The following CNTNAP2 variants were observed in gnomAD, a reference collection of about 807,000 sequenced individuals.
The protein encoded by CNTNAP2 is contactin-associated protein-like 2.
Under a neutral mutation model 155.2 loss-of-function variants are expected in CNTNAP2, and 98 were observed. The ratio of observed to expected loss-of-function variants is 0.63; its 90% CI spans 0.54 to 0.75. The LOEUF (loss-of-function observed/expected upper bound fraction) is 0.75. Among genes scored for constraint, CNTNAP2 ranks in the 30% least tolerant of loss-of-function variants. The pLI is 0.00. For synonymous variants in CNTNAP2, 651 were observed against 631.2 expected, an observed-to-expected ratio of 1.03 and a Z score of -0.47; for missense variants, 1,727 against 1,688.1, an observed-to-expected ratio of 1.02 and a Z score of -0.40.
intron 13 of CNTNAP2, among the ~76,000 whole-genome samples, chr7:147,817,597 G>GA (rs1798287389): frequency 6.6e-6 from 1 of 151,720 alleles, no homozygotes; most frequent in South Asian, 2.1e-4. Flanking sequence ...TAACTTATGG[G>GA]AAAAAATTTA....
chr7:148,114,708 A>G (rs1428218169), intron 15 of CNTNAP2, among the ~76,000 whole-genome samples: 1 of 152,178 alleles, frequency 6.6e-6, no homozygotes, highest in Non-Finnish European at 1.5e-5. Context: ...TACCACACTC[A>G]CTGAAAGCCT....
chr7:147,962,987 TATACC>T (rs1801138613), intron 14 of CNTNAP2, among the ~76,000 whole-genome samples: 1 of 152,156 alleles, frequency 6.6e-6, no homozygotes, highest in Non-Finnish European at 1.5e-5. Flanking sequence ...GACAATAAGA[TATACC>T]ATGGTTAATT....
intron 1 of CNTNAP2, among the ~76,000 whole-genome samples, chr7:146,384,406 T>A (rs1454790797): frequency 6.6e-6 from 1 of 152,164 alleles, no homozygotes; most frequent in Non-Finnish European, 1.5e-5. Flanking sequence ...CATAAAACCA[T>A]GCTGAAGGAG....
chr7:146,743,701 C>T (rs1801758761), intron 1 of CNTNAP2, among the ~76,000 whole-genome samples: 1 of 151,944 alleles, frequency 6.6e-6, no homozygotes, highest in Admixed American at 6.5e-5. Flanking sequence ...TTAGTAGCAC[C>T]AAGAATAATG....
rs760914340 is a variant in CNTNAP2, at chr7:147,468,660, GATAA to G, written c.1671-17270_1671-17267del. Among the ~76,000 whole-genome samples the G allele has an allele frequency of 1.1e-3, 160 of 152,092 alleles. 3 individuals are homozygous for G. The highest frequency in any genetic ancestry group is 1.9e-4 in the Non-Finnish European group (13 of 68,026). Reference sequence around the variant, plus strand: ...TGTATGACAGATTTGAGAGAAAAGGGATAAATAATCTAAAACTCACTTGAAAGTC... The same window carrying G: ...TGTATGACAGATTTGAGAGAAAAGGGATAATCTAAAACTCACTTGAAAGTC... On this transcript the variant is annotated intron_variant, in intron 10 of 23. Coordinates refer to ENST00000361727, the MANE Select transcript of CNTNAP2 (RefSeq NM_014141.6).
chr7:146,190,066 A>G (rs1468865308), intron 1 of CNTNAP2, among the ~76,000 whole-genome samples: 1 of 152,016 alleles, frequency 6.6e-6, no homozygotes, highest in Non-Finnish European at 1.5e-5. Context: ...TCTGACTTAT[A>G]ATATGTCAGG....
At position 147,142,454 on chromosome 7, in the gene CNTNAP2, T is replaced by C. The variant is rs145302396; in HGVS notation, c.1348+9945T>C. Among the ~76,000 whole-genome samples, 1,017 of 152,296 alleles carry C rather than the reference T, an allele frequency of 6.7e-3. 9 individuals are homozygous for C. Among genetic ancestry groups the C allele is most frequent in the African/African-American group, 0.023 (950 of 41,560 alleles). ...TGATCATGGTGGATAAGCTTCTTGA[T>C]GTGCTGCTGGATTCAGTTTGCCAGT... On this transcript the variant is annotated intron_variant, in intron 8 of 23. Transcript: ENST00000361727.
chr7:147,571,445 C>T (rs1481332614), intron 12 of CNTNAP2, among the ~76,000 whole-genome samples: 6 of 151,842 alleles, frequency 4.0e-5, no homozygotes, highest in Admixed American at 3.3e-4. Context: ...TTCCTGTCTA[C>T]CTAGGTTTAT....
At chr7:147,572,943 C>A (rs546848084) in intron 12 of CNTNAP2, among the ~76,000 whole-genome samples, 1 of 152,184 alleles carries the variant, frequency 6.6e-6, no homozygotes, top group South Asian at 2.1e-4. Context: ...AGTTTCATAT[C>A]AGAATGTCCC....
intron 15 of CNTNAP2, among the ~76,000 whole-genome samples, chr7:148,025,841 G>C (rs1398708668): frequency 6.6e-6 from 1 of 152,124 alleles, no homozygotes; most frequent in African/African-American, 2.4e-5. Flanking sequence ...AAAACAGCAG[G>C]ATCCTTTTCA....
At chr7:147,854,349 T>G (rs555194014) in intron 13 of CNTNAP2, among the ~76,000 whole-genome samples, 8 of 152,294 alleles carry the variant, frequency 5.3e-5, no homozygotes, top group African/African-American at 1.9e-4. Flanking sequence ...AAGTTGATCA[T>G]TCATCATCCC....
At chr7:146,121,083 A>G (rs1797554812) in intron 1 of CNTNAP2, among the ~76,000 whole-genome samples, 2 of 144,462 alleles carry the variant, frequency 1.4e-5, no homozygotes, top group Non-Finnish European at 3.1e-5. Flanking sequence ...CTAGACAAAA[A>G]CTTACTCAAA....
At chr7:146,133,778 T>C (rs534308709) in intron 1 of CNTNAP2, among the ~76,000 whole-genome samples, 1 of 152,216 alleles carries the variant, frequency 6.6e-6, no homozygotes, top group Non-Finnish European at 1.5e-5. Context: ...TCTATATCTC[T>C]GTTTTGGTAC....
chr7:147,607,368 T>C (rs183007246), intron 12 of CNTNAP2, among the ~76,000 whole-genome samples: 1 of 151,932 alleles, frequency 6.6e-6, no homozygotes, highest in East Asian at 1.9e-4. Context: ...AGGCCCAACA[T>C]TTCCTTCCTT....
intron 9 of CNTNAP2, among the ~76,000 whole-genome samples, chr7:147,323,727 C>T (rs561375708): frequency 3.3e-5 from 5 of 152,178 alleles, no homozygotes; most frequent in African/African-American, 1.2e-4. Context: ...TTCAAGTTTT[C>T]AATTATCCAT....
At chr7:146,609,509 A>G (rs1030216923) in intron 1 of CNTNAP2, among the ~76,000 whole-genome samples, 1 of 152,154 alleles carries the variant, frequency 6.6e-6, no homozygotes, top group African/African-American at 2.4e-5. Context: ...AAATTGAAAC[A>G]TCAGTCTGTT....
At chr7:147,131,104 A>G (rs1382345886) in intron 7 of CNTNAP2, among the ~76,000 whole-genome samples, 1 of 148,770 alleles carries the variant, frequency 6.7e-6, no homozygotes, top group Non-Finnish European at 1.5e-5. Context: ...ATATACACAC[A>G]CATATATATA....
At chr7:147,848,781 G>A (rs940416835) in intron 13 of CNTNAP2, among the ~76,000 whole-genome samples, 3 of 151,730 alleles carry the variant, frequency 2.0e-5, no homozygotes, top group Non-Finnish European at 4.4e-5. Flanking sequence ...CAGAGAGAAA[G>A]CTTAAATACC....
At chr7:148,331,648 G>A in intron 21 of CNTNAP2, among the ~76,000 whole-genome samples, 2 of 151,910 alleles carry the variant, frequency 1.3e-5, no homozygotes, top group Admixed American at 6.5e-5. Flanking sequence ...TGGATGGAAT[G>A]GACGGATGGA....
Sources: gnomAD v4.1 joint callset for allele counts (sites outside exome capture counted in the v4.1 genomes callset) on GRCh38, gnomAD v4.1.1 for gene constraint, MANE v1.5 for transcripts, NCBI Gene and HGNC (gene_info 2026-07-23, HGNC 2026-07-21) for gene names.